C22orf39: variants seen among roughly 807,000 people sequenced by gnomAD.
The protein encoded by C22orf39 is synaptic plasticity regulator PANTS.
Under a neutral mutation model 18.3 loss-of-function variants are expected in C22orf39, and 20 were observed. The ratio of observed to expected loss-of-function variants is 1.09; its 90% CI spans 0.77 to 1.59. The LOEUF (loss-of-function observed/expected upper bound fraction) is 1.59, where lower values mean the gene tolerates loss of function less well. C22orf39 is among the 40% of genes most tolerant of loss of function. The pLI is 0.00. For synonymous variants in C22orf39, 63 were observed against 59.6 expected (o/e 1.06, Z -0.26); for missense variants, 195 against 156.1 (o/e 1.25, Z -1.33).
chr22:19,441,592 G>A lies in C22orf39; in HGVS notation c.*2673C>T, dbSNP rs537519187. ...TGCCCAGGCTGGAGTGCAGTGGCAC[G>A]ATCATAGCTGACTGCAACCTCAAAC... On this transcript the variant is annotated 3_prime_UTR_variant, in exon 3 of 3. Coordinates refer to ENST00000399562, the MANE Select transcript of C22orf39 (RefSeq NM_173793.5). 1.3e-5 allele frequency: 11 copies of A among 828,162 alleles called. No homozygotes were observed. Among genetic ancestry groups the A allele is most frequent in the Middle Eastern group, 2.5e-4 (1 of 4,058 alleles). 51.3% of individuals were successfully genotyped at this position (828,162 alleles called of 1,614,324 possible).
chr22:19,441,437 C>A lies in C22orf39; in HGVS notation c.*2828G>T, dbSNP rs1339854188. ...GGATACATATTGTTTTGTATTTCAA[C>A]AATAATATGCTATATATAACAGTCT... is the stretch of plus-strand genomic sequence containing the variant. On this transcript the variant is annotated 3_prime_UTR_variant, in exon 3 of 3. Transcript: ENST00000399562. The A allele has an allele frequency of 2.8e-5, 15 of 527,910 alleles. No individual in the cohort carries two copies. The highest frequency in any genetic ancestry group is 4.3e-5 in the Non-Finnish European group (13 of 300,176). 32.7% of individuals were successfully genotyped at this position (527,910 alleles called of 1,614,324 possible).
rs909102236 is a variant in C22orf39 at position 19,441,173 on chromosome 22, C to A, written c.*3092G>T. Reference sequence around the variant, plus strand: ...TCAGGCTGACAGATGGTTTTCAACACCACAGGACTCCCTCGTATGAACCAC... The same window carrying A: ...TCAGGCTGACAGATGGTTTTCAACAACACAGGACTCCCTCGTATGAACCAC... On this transcript the variant is annotated 3_prime_UTR_variant, in exon 3 of 3. Transcript: ENST00000399562. 3 of 157,248 alleles carry A rather than the reference C, an allele frequency of 1.9e-5. No homozygotes were observed. The highest frequency in any genetic ancestry group is 1.3e-4 in the Admixed American group (2 of 15,732). 9.7% of individuals were successfully genotyped at this position (157,248 alleles called of 1,614,324 possible).
intron 2 of C22orf39, 69 bp from the exon 3 acceptor site, chr22:19,444,459 C>G: frequency 6.6e-7 from 1 of 1,511,628 alleles, no homozygotes; most frequent in Non-Finnish European, 8.9e-7. Flanking sequence ...CCTCCCCCCT[C>G]TCATCACCCT....
Position 19,441,603 on chromosome 22 carries a change from A to G in C22orf39, c.*2662T>C. Reference sequence around the variant, plus strand: ...GAGTGCAGTGGCACGATCATAGCTGACTGCAACCTCAAACTCCTATCCTCA... The same window carrying G: ...GAGTGCAGTGGCACGATCATAGCTGGCTGCAACCTCAAACTCCTATCCTCA... On this transcript the variant is annotated 3_prime_UTR_variant, in exon 3 of 3. Transcript: ENST00000399562. 2.1e-6 allele frequency: 2 copies of G among 931,254 alleles called. No homozygotes were observed. Among genetic ancestry groups the G allele is most frequent in the East Asian group, 5.3e-5 (2 of 37,958 alleles). 57.7% of individuals were successfully genotyped at this position (931,254 alleles called of 1,614,324 possible). A position where few individuals can be genotyped will look rare whatever the true frequency, so the allele number is the denominator to read the frequency against.
chr22:19,443,115 G>A lies in C22orf39; in HGVS notation c.*1150C>T, dbSNP rs1239210071. 1 of 964,004 alleles carries A rather than the reference G, an allele frequency of 1.0e-6. No individual in the cohort carries two copies. Among genetic ancestry groups the A allele is most frequent in the Non-Finnish European group, 1.2e-6 (1 of 811,802 alleles). 59.7% of individuals were successfully genotyped at this position (964,004 alleles called of 1,614,324 possible). On this transcript the variant is annotated 3_prime_UTR_variant, in exon 3 of 3. Coordinates refer to ENST00000399562, the MANE Select transcript of C22orf39 (RefSeq NM_173793.5). ...CACCCCCACTGTTCACAGACACAGG[G>A]GCTCTTAGGGAGCACAGGAGAAAAC...
In C22orf39 at chr22:19,443,117, C is replaced by G. The variant is rs1200882657; in HGVS notation, c.*1148G>C. ...CCCCCACTGTTCACAGACACAGGGG[C>G]TCTTAGGGAGCACAGGAGAAAACAC... On this transcript the variant is annotated 3_prime_UTR_variant, in exon 3 of 3. Transcript: ENST00000399562. 1.0e-6 allele frequency: 1 copy of G among 967,950 alleles called. No individual in the cohort carries two copies. The highest frequency in any genetic ancestry group is 1.2e-6 in the Non-Finnish European group (1 of 817,448). 60.0% of individuals were successfully genotyped at this position (967,950 alleles called of 1,614,324 possible).
In C22orf39 at chr22:19,444,123, C is replaced by T; in HGVS notation, c.*142G>A. The T allele has an allele frequency of 7.3e-7, 1 of 1,378,688 alleles. No homozygotes were observed. Among genetic ancestry groups the T allele is most frequent in the Non-Finnish European group, 9.3e-7 (1 of 1,075,360 alleles). 85.4% of individuals were successfully genotyped at this position (1,378,688 alleles called of 1,614,324 possible). A position where few individuals can be genotyped will look rare whatever the true frequency, so the allele number is the denominator to read the frequency against. On this transcript the variant is annotated 3_prime_UTR_variant, in exon 3 of 3. Coordinates refer to ENST00000399562, the MANE Select transcript of C22orf39 (RefSeq NM_173793.5). Reference sequence around the variant, plus strand: ...GTGAGGGGTGGGCAAGTAGGGCTAGCAATGTCCTGCTCCATGTTCCTGTGA... The same window carrying T: ...GTGAGGGGTGGGCAAGTAGGGCTAGTAATGTCCTGCTCCATGTTCCTGTGA...
At chr22:19,446,511 T>C (rs1163003162) in intron 2 of C22orf39, among the ~76,000 whole-genome samples, 12 of 152,198 alleles carry the variant, frequency 7.9e-5, no homozygotes, top group Admixed American at 7.9e-4. Flanking sequence ...ACCGTAGCAC[T>C]GTATTCTACA....
Position 19,444,427 on chromosome 22 carries a change from G to A in C22orf39, c.193-37C>T, listed in dbSNP as rs373031322. 8 of 1,582,140 alleles carry A rather than the reference G, an allele frequency of 5.1e-6. No homozygotes were observed. In the African/African-American group the frequency reaches 9.5e-5, roughly 19 times the overall value. On this transcript the variant is annotated intron_variant, in intron 2 of 2. Transcript: ENST00000399562. Reference sequence around the variant, plus strand: ...AGACTCTAGTCACTCCCCAGGCTCTGAGCACCCTCAAGACCCCTGTACCTC... The same window carrying A: ...AGACTCTAGTCACTCCCCAGGCTCTAAGCACCCTCAAGACCCCTGTACCTC...
In C22orf39 at chr22:19,443,288, A is replaced by G; in HGVS notation, c.*977T>C. On this transcript the variant is annotated 3_prime_UTR_variant, in exon 3 of 3. Transcript: ENST00000399562. The stretch of plus-strand genomic sequence containing the variant: ...AGGGTGCTGGGCACAGACCCAGCCT[A>G]GCCCTCAGCATCACACAACAGGGCC... The G allele has an allele frequency of 9.1e-6, 9 of 985,506 alleles. No homozygotes were observed. Among genetic ancestry groups the G allele is most frequent in the Non-Finnish European group, 1.1e-5 (9 of 829,950 alleles). The allele number at this position is 985,506 out of a possible 1,614,324, so 61.0% of individuals were successfully genotyped here. A position where few individuals can be genotyped will look rare whatever the true frequency, so the allele number is the denominator to read the frequency against.
At chr22:19,444,976 T>G (rs2089632789) in intron 2 of C22orf39, among the ~76,000 whole-genome samples, 1 of 152,230 alleles carries the variant, frequency 6.6e-6, no homozygotes, top group Non-Finnish European at 1.5e-5. Context: ...TATCACAACA[T>G]GGGTGACCTT....
rs772239734 is a variant in C22orf39, at chr22:19,447,681, T to G, written c.8A>C (p.Asp3Ala). Residue 3 changes from aspartate to alanine, a missense_variant, in exon 1 of 3, where the codon GAC becomes GCC. Asp to Ala is a moderately radical substitution (Grantham distance 126, BLOSUM62 -2). Coordinates refer to ENST00000399562, the MANE Select transcript of C22orf39 (RefSeq NM_173793.5). MA[D>A]GSGWQPPRPC... ...CACACTCACCTGCCAGCCGCTGCCG[T>G]CCGCCATGTCTGGGCGACCGGCGCG... is the stretch of plus-strand genomic sequence containing the variant. 6.2e-7 allele frequency: 1 copy of G among 1,610,244 alleles called. No homozygotes were observed. The highest frequency in any genetic ancestry group is 2.2e-5 in the East Asian group (1 of 44,706).
Position 19,443,328 on chromosome 22 carries a change from A to C in C22orf39, c.*937T>G. On this transcript the variant is annotated 3_prime_UTR_variant, in exon 3 of 3. Coordinates refer to ENST00000399562, the MANE Select transcript of C22orf39 (RefSeq NM_173793.5). The stretch of plus-strand genomic sequence containing the variant: ...ACAACAGGGCCACCATAGGATGAGA[A>C]ACCATTCTATTAGTAATAAACAGAC... 1 of 985,454 alleles carries C rather than the reference A, an allele frequency of 1.0e-6. No homozygotes were observed. The highest frequency in any genetic ancestry group is 5.2e-4 in the Middle Eastern group (1 of 1,914). 61.0% of individuals were successfully genotyped at this position (985,454 alleles called of 1,614,324 possible).
At position 19,444,094 on chromosome 22, in the gene C22orf39, G is replaced by A. The variant is rs938662665; in HGVS notation, c.*171C>T. 2 of 1,343,062 alleles carry A rather than the reference G, an allele frequency of 1.5e-6. No individual in the cohort carries two copies. Among genetic ancestry groups the A allele is most frequent in the Admixed American group, 4.0e-5 (1 of 24,766 alleles). The allele number at this position is 1,343,062 out of a possible 1,614,324, so 83.2% of individuals were successfully genotyped here. ...ATCGCAGTGTCAGGGTATCCTGCAT[G>A]CAGGTGAGGGGTGGGCAAGTAGGGC... On this transcript the variant is annotated 3_prime_UTR_variant, in exon 3 of 3. Coordinates refer to ENST00000399562, the MANE Select transcript of C22orf39 (RefSeq NM_173793.5).
At position 19,444,409 on chromosome 22, in the gene C22orf39, A is replaced by G. The variant is rs1475452897; in HGVS notation, c.193-19T>C. On this transcript the variant is annotated intron_variant, in intron 2 of 2. Transcript: ENST00000399562. ...GGGATTGCTGTGCAAATGAGACTCT[A>G]GTCACTCCCCAGGCTCTGAGCACCC... 3.1e-6 allele frequency: 5 copies of G among 1,591,636 alleles called. No individual in the cohort carries two copies. Among genetic ancestry groups the G allele is most frequent in the African/African-American group, 1.4e-5 (1 of 73,926 alleles).
chr22:19,444,333 C>T lies in C22orf39; in HGVS notation c.250G>A (p.Val84Met). The change falls in exon 3 of 3, where the codon GTG (valine) becomes ATG (methionine). Residue 84 changes from valine to methionine, a missense_variant. Val to Met is a conservative substitution (Grantham distance 21). Transcript: ENST00000399562. ...GGGGGGCTCTGCCTCGGGGCCCACA[C>T]CAGGATGTGCTTCCGTGCAGCCCGG... Reference protein sequence around the residue: ...RVRAARKHILVWAPRQSPPPD... With the variant: ...RVRAARKHILMWAPRQSPPPD... 1.9e-6 allele frequency: 3 copies of T among 1,601,596 alleles called. No homozygotes were observed. Among genetic ancestry groups the T allele is most frequent in the South Asian group, 1.1e-5 (1 of 89,434 alleles).
rs2089614526 is a variant in C22orf39 at position 19,441,827 on chromosome 22, C to G, written c.*2438G>C. On this transcript the variant is annotated 3_prime_UTR_variant, in exon 3 of 3. Coordinates refer to ENST00000399562, the MANE Select transcript of C22orf39 (RefSeq NM_173793.5). ...ATTTATTTTGAGACAGGATATTGCTCTGTCACCCAGGTTGAAGTGCAGTGG... is the reference window on the plus strand; with the variant it reads ...ATTTATTTTGAGACAGGATATTGCTGTGTCACCCAGGTTGAAGTGCAGTGG... 1.6e-6 allele frequency: 2 copies of G among 1,263,932 alleles called. No individual in the cohort carries two copies. Among genetic ancestry groups the G allele is most frequent in the Non-Finnish European group, 2.1e-6 (2 of 937,446 alleles). The allele number at this position is 1,263,932 out of a possible 1,614,324, so 78.3% of individuals were successfully genotyped here.
intron 2 of C22orf39, 53 bp downstream of exon 2, chr22:19,447,325 A>G: frequency 7.2e-7 from 1 of 1,391,420 alleles, no homozygotes; most frequent in Non-Finnish European, 9.3e-7. Flanking sequence ...GGGTGGGGAA[A>G]GCTGGGCCCC....
At position 19,442,328 on chromosome 22, in the gene C22orf39, A is replaced by C. The variant is rs2089617630; in HGVS notation, c.*1937T>G. 1 of 152,472 alleles carries C rather than the reference A, an allele frequency of 6.6e-6. No individual in the cohort carries two copies. Among genetic ancestry groups the C allele is most frequent in the Admixed American group, 6.5e-5 (1 of 15,312 alleles). The allele number at this position is 152,472 out of a possible 1,614,324, so 9.4% of individuals were successfully genotyped here. A position where few individuals can be genotyped will look rare whatever the true frequency, so the allele number is the denominator to read the frequency against. ...ACTTGAGTAGTGAAGGAGGAGGCAA[A>C]ACATGATAGTCACACTACAGAGGCA... is the stretch of plus-strand genomic sequence containing the variant. On this transcript the variant is annotated 3_prime_UTR_variant, in exon 3 of 3. Coordinates refer to ENST00000399562, the MANE Select transcript of C22orf39 (RefSeq NM_173793.5).
Sources: gnomAD v4.1 joint callset for allele counts (sites outside exome capture counted in the v4.1 genomes callset) on GRCh38, gnomAD v4.1.1 for gene constraint, MANE v1.5 for transcripts, NCBI Gene and HGNC (gene_info 2026-07-23, HGNC 2026-07-21) for gene names.